CCDC171: variants seen among roughly 807,000 people sequenced by gnomAD.
The protein encoded by CCDC171 is coiled-coil domain-containing protein 171.
CCDC171 carries 177 observed loss-of-function variants against 168.2 expected under a neutral mutation model. That is an observed-to-expected ratio of 1.05 (90% confidence interval 0.93 to 1.19). The LOEUF is 1.19. CCDC171 is among the 50% of genes most tolerant of loss of function. The probability of loss-of-function intolerance (pLI) is 0.00; values close to 1 mark genes in which losing one functional copy is unlikely to be tolerated. For synonymous variants in CCDC171, 687 were observed against 540.8 expected (o/e 1.27, Z -3.75); for missense variants, 1,991 against 1,539.0 (o/e 1.29, Z -4.91).
intron 6 of CCDC171, among the ~76,000 whole-genome samples, chr9:15,600,927 C>T (rs1005838426): frequency 2.6e-5 from 4 of 152,196 alleles, no homozygotes; most frequent in Admixed American, 6.5e-5. Context: ...GTGTAGGACC[C>T]TCCGAGCCAA....
intron 2 of CCDC171, among the ~76,000 whole-genome samples, chr9:15,567,745 C>T (rs2039868317): frequency 6.6e-6 from 1 of 152,026 alleles, no homozygotes; most frequent in South Asian, 2.1e-4. Flanking sequence ...GCCTCAACTC[C>T]TGAGCTCAAG....
the CCDC171 span, among the ~76,000 whole-genome samples, chr9:16,078,103 C>T: frequency 1.3e-5 from 2 of 149,280 alleles, no homozygotes; most frequent in African/African-American, 2.5e-5. Context: ...CACACACTCA[C>T]AAAGGTGAGG....
Position 15,623,539 on chromosome 9 carries a change from G to A in CCDC171, c.822+126G>A, listed in dbSNP as rs937448456. The A allele has an allele frequency of 7.9e-6, 4 of 506,758 alleles. No homozygotes were observed. In the South Asian group the frequency reaches 2.5e-4, roughly 32 times the overall value. The allele number at this position is 506,758 out of a possible 1,614,324, so 31.4% of individuals were successfully genotyped here. On this transcript the variant is annotated intron_variant, in intron 7 of 25. Coordinates refer to ENST00000380701, the MANE Select transcript of CCDC171 (RefSeq NM_173550.4). ...CCATTCCGTGATTTAAGATTGGAGA[G>A]TTTTACTCTGTGATAATATATAAAA...
chr9:16,026,430 A>G (rs1005769958), intron 6 of CCDC171, among the ~76,000 whole-genome samples: 2 of 152,094 alleles, frequency 1.3e-5, no homozygotes, highest in Non-Finnish European at 2.9e-5. Flanking sequence ...GGCATCTGGA[A>G]TCCAGTCAGT....
intron 3 of CCDC171, among the ~76,000 whole-genome samples, chr9:15,577,522 A>G (rs1317209963): frequency 6.6e-6 from 1 of 152,202 alleles, no homozygotes; most frequent in Admixed American, 6.5e-5. Context: ...AGAGGCTTTC[A>G]CTGTGTTCAG....
intron 6 of CCDC171, among the ~76,000 whole-genome samples, chr9:15,613,001 G>C (rs531002354): frequency 3.4e-4 from 52 of 152,296 alleles, no homozygotes; most frequent in African/African-American, 1.2e-3. Flanking sequence ...AAATGCCATA[G>C]ACTGTTTTGT....
intron 21 of CCDC171, among the ~76,000 whole-genome samples, chr9:15,820,726 A>C (rs1285943050): frequency 8.5e-6 from 1 of 117,620 alleles, no homozygotes; most frequent in Non-Finnish European, 1.9e-5. Context: ...GTCCAGGACC[A>C]GATGGATTCA....
At chr9:15,778,859 G>C (rs1325610930) in intron 19 of CCDC171, 109 bp from the exon 20 acceptor site, 8 of 729,636 alleles carry the variant, frequency 1.1e-5, no homozygotes, top group Non-Finnish European at 1.6e-5. Context: ...GTAATAGCTA[G>C]CACTGGTTTT....
intron 18 of CCDC171, among the ~76,000 whole-genome samples, chr9:15,765,200 G>T (rs917129208): frequency 1.3e-5 from 2 of 152,170 alleles, no homozygotes; most frequent in Non-Finnish European, 2.9e-5. Context: ...ACTGCAGTCT[G>T]TTAAAGAGAA....
At position 15,717,273 on chromosome 9, in the gene CCDC171, G is replaced by A. The variant is rs77845967; in HGVS notation, c.1319-4496G>A. ...ACACTGAGAATAAGCCAGTGCTCACGGAGGGAACATTTAGACTAGTCCTAG... is the reference window on the plus strand; with the variant it reads ...ACACTGAGAATAAGCCAGTGCTCACAGAGGGAACATTTAGACTAGTCCTAG... On this transcript the variant is annotated intron_variant, in intron 11 of 25. Transcript: ENST00000380701. Among the ~76,000 whole-genome samples the A allele has an allele frequency of 1.3e-4, 20 of 152,302 alleles. No homozygotes were observed. In the East Asian group the frequency reaches 2.3e-3, roughly 18 times the overall value.
intron 4 of CCDC171, among the ~76,000 whole-genome samples, chr9:15,584,216 G>C (rs1302088010): frequency 5.9e-5 from 9 of 152,198 alleles, no homozygotes; most frequent in African/African-American, 7.2e-5. Context: ...TTGCTCAGCT[G>C]TCTGGGGTTA....
intron 3 of CCDC171, among the ~76,000 whole-genome samples, chr9:16,001,140 G>A (rs1336521264): frequency 2.0e-5 from 3 of 152,114 alleles, no homozygotes; most frequent in African/African-American, 4.8e-5. Flanking sequence ...ACCTTTTCAG[G>A]ATTCAGTTGC....
chr9:15,916,679 A>G (rs1436195491), intron 24 of CCDC171, among the ~76,000 whole-genome samples: 2 of 152,072 alleles, frequency 1.3e-5, no homozygotes, highest in African/African-American at 2.4e-5. Context: ...CTAGTCTTCA[A>G]GTGACATGCA....
chr9:15,889,933 G>T (rs1819966622), intron 24 of CCDC171, among the ~76,000 whole-genome samples: 1 of 152,190 alleles, frequency 6.6e-6, no homozygotes, highest in South Asian at 2.1e-4. Flanking sequence ...GAGCAACAGG[G>T]ACTAGAAATG....
chr9:15,823,216 C>G (rs1306163680), intron 21 of CCDC171, among the ~76,000 whole-genome samples: 1 of 151,838 alleles, frequency 6.6e-6, no homozygotes, highest in Non-Finnish European at 1.5e-5. Context: ...GGAGATATAC[C>G]TAATGTTAAA....
intron 6 of CCDC171, among the ~76,000 whole-genome samples, chr9:15,606,697 A>C (rs73644683): frequency 0.028 from 4,333 of 152,308 alleles, 203 homozygotes; most frequent in African/African-American, 0.099. Context: ...AGTATATATA[A>C]AGAATTATAC....
intron 25 of CCDC171, among the ~76,000 whole-genome samples, chr9:15,944,448 T>A (rs1170847106): frequency 3.3e-5 from 5 of 152,064 alleles, no homozygotes; most frequent in Non-Finnish European, 7.4e-5. Flanking sequence ...TTAGCTAACA[T>A]TTATCTAATA....
intron 6 of CCDC171, among the ~76,000 whole-genome samples, chr9:15,607,769 T>G (rs1295374144): frequency 6.6e-6 from 1 of 152,148 alleles, no homozygotes; most frequent in African/African-American, 2.4e-5. Flanking sequence ...GGCCTGCTTG[T>G]ATTTTTGAGG....
intron 25 of CCDC171, among the ~76,000 whole-genome samples, chr9:15,953,975 A>T (rs760620351): frequency 6.6e-6 from 1 of 151,428 alleles, no homozygotes; most frequent in African/African-American, 2.4e-5. Flanking sequence ...TGTTCATAGT[A>T]CTCTTACAAT....
Sources: gnomAD v4.1 joint callset for allele counts (sites outside exome capture counted in the v4.1 genomes callset) on GRCh38, gnomAD v4.1.1 for gene constraint, MANE v1.5 for transcripts, NCBI Gene and HGNC (gene_info 2026-07-23, HGNC 2026-07-21) for gene names.